Variants in MAGI2 observed in about 807,000 individuals in gnomAD.
MAGI2 encodes membrane-associated guanylate kinase, WW and PDZ domain-containing protein 2.
MAGI2 carries 35 observed loss-of-function variants against 133.3 expected under a neutral mutation model. The ratio of observed to expected loss-of-function variants is 0.26; its 90% confidence interval spans 0.20 to 0.35. The LOEUF is 0.35. MAGI2 is among the 10% of genes least tolerant of loss of function. The pLI is 1.00. For missense variants in MAGI2, 1,636 were observed against 1,863.4 expected (o/e 0.88, Z 2.25); for synonymous variants, 729 against 710.6 (o/e 1.03, Z -0.41).
intron 9 of MAGI2, among the ~76,000 whole-genome samples, chr7:78,343,136 T>C (rs947397318): frequency 3.9e-5 from 6 of 152,222 alleles, no homozygotes; most frequent in African/African-American, 1.4e-4. Context: ...ACCTTGTTCA[T>C]TACTTTTTCA....
At chr7:78,706,479 A>G (rs73150705) in intron 2 of MAGI2, among the ~76,000 whole-genome samples, 7,602 of 152,248 alleles carry the variant, frequency 0.05, 278 homozygotes, top group Non-Finnish European at 0.077. Context: ...ACAGACTAAT[A>G]CAGTGAACTA....
At chr7:79,284,056 A>C (rs1167865048) in intron 1 of MAGI2, among the ~76,000 whole-genome samples, 1 of 152,078 alleles carries the variant, frequency 6.6e-6, no homozygotes, top group Non-Finnish European at 1.5e-5. Flanking sequence ...AGTGTGTAGT[A>C]GGTTGTATGA....
At chr7:78,271,966 T>A (rs960249406) in intron 9 of MAGI2, among the ~76,000 whole-genome samples, 2 of 152,222 alleles carry the variant, frequency 1.3e-5, no homozygotes, top group African/African-American at 2.4e-5. Context: ...TGATCTTAGT[T>A]ATTTTTTGTC....
rs1824839895 is a variant in MAGI2, at chr7:78,160,234, A to G, written c.2636T>C (p.Val879Ala). 6.2e-7 allele frequency: 1 copy of G among 1,608,576 alleles called. No homozygotes were observed. The highest frequency in any genetic ancestry group is 8.5e-7 in the Non-Finnish European group (1 of 1,177,128). ...CPENGRSPGS[V>A]STHHSSPRSD... ...GCGTGGAGAGCTGTGGTGGGTGGATACAGAGCCTGGACTTCTCCCGTTCTC... is the reference window on the plus strand; with the variant it reads ...GCGTGGAGAGCTGTGGTGGGTGGATGCAGAGCCTGGACTTCTCCCGTTCTC... The change falls in exon 16 of 22, where the codon GTA (valine) becomes GCA (alanine). Residue 879 changes from valine to alanine, a missense_variant. Transcript: ENST00000354212.
intron 1 of MAGI2, among the ~76,000 whole-genome samples, chr7:79,016,652 T>G (rs1808765547): frequency 6.6e-6 from 1 of 152,118 alleles, no homozygotes; most frequent in Non-Finnish European, 1.5e-5. Context: ...CAGATGCGTG[T>G]GCACCATGCT....
intron 2 of MAGI2, among the ~76,000 whole-genome samples, chr7:78,945,824 C>T (rs1801373360): frequency 6.6e-6 from 1 of 152,182 alleles, no homozygotes; most frequent in African/African-American, 2.4e-5. Flanking sequence ...TTAATAAACT[C>T]TACATCCTCA....
chr7:79,205,234 A>G (rs997270486), intron 1 of MAGI2, among the ~76,000 whole-genome samples: 4 of 151,984 alleles, frequency 2.6e-5, no homozygotes, highest in South Asian at 2.1e-4. Flanking sequence ...GCAGCAAAAG[A>G]AAACAACCAA....
intron 3 of MAGI2, among the ~76,000 whole-genome samples, chr7:78,624,406 T>A (rs1808095594): frequency 6.6e-6 from 1 of 152,082 alleles, no homozygotes. Flanking sequence ...TCCTGAATGG[T>A]TAATGAAAGA....
intron 2 of MAGI2, among the ~76,000 whole-genome samples, chr7:78,982,185 G>C (rs1387831361): frequency 6.6e-6 from 1 of 151,684 alleles, no homozygotes; most frequent in Non-Finnish European, 1.5e-5. Context: ...GGAAGCTAGA[G>C]GTTTTAAAAC....
chr7:79,325,860 T>G (rs1839656560), intron 1 of MAGI2, among the ~76,000 whole-genome samples: 1 of 152,150 alleles, frequency 6.6e-6, no homozygotes, highest in Non-Finnish European at 1.5e-5. Context: ...AGATAAAAAC[T>G]GCTGATACTA....
At chr7:78,693,182 T>C (rs12530747) in intron 2 of MAGI2, among the ~76,000 whole-genome samples, 7,844 of 152,216 alleles carry the variant, frequency 0.052, 283 homozygotes, top group Non-Finnish European at 0.077. Flanking sequence ...TTAATCTCCA[T>C]CAATCTCAGC....
chr7:78,346,159 G>C, intron 7 of MAGI2, 116 bp from the exon 8 acceptor site: 1 of 1,180,674 alleles, frequency 8.5e-7, no homozygotes, highest in Non-Finnish European at 1.2e-6. Context: ...TTACAGTCAA[G>C]TGCCTCACCC....
chr7:79,024,956 G>T lies in MAGI2; in HGVS notation c.302-17750C>A, dbSNP rs999716320. ...GAAGGGCTGTTTGGTGATTTTTCAAGGAACTTAAAATAGATCTACTATTTG... is the reference window on the plus strand; with the variant it reads ...GAAGGGCTGTTTGGTGATTTTTCAATGAACTTAAAATAGATCTACTATTTG... On this transcript the variant is annotated intron_variant, in intron 1 of 21. Transcript: ENST00000354212. Among the ~76,000 whole-genome samples the T allele has an allele frequency of 4.6e-5, 7 of 151,972 alleles. No homozygotes were observed. The East Asian group carries it at 1.3e-3, about 29-fold the overall frequency.
At chr7:78,505,598 AT>A (rs1795014079) in intron 4 of MAGI2, among the ~76,000 whole-genome samples, 1 of 152,256 alleles carries the variant, frequency 6.6e-6, no homozygotes, top group Non-Finnish European at 1.5e-5. Flanking sequence ...ATGTTCAGTT[AT>A]ACAATATTCA....
intron 2 of MAGI2, among the ~76,000 whole-genome samples, chr7:78,659,570 G>A (rs1443638299): frequency 6.6e-6 from 1 of 151,478 alleles, no homozygotes. Context: ...TCATTTATAT[G>A]ACATTCTTGA....
chr7:78,089,205 G>C (rs1158147202), intron 20 of MAGI2, among the ~76,000 whole-genome samples: 3 of 152,200 alleles, frequency 2.0e-5, no homozygotes, highest in Non-Finnish European at 2.9e-5. Context: ...ATTTATTACA[G>C]CAGGAATAGA....
intron 3 of MAGI2, among the ~76,000 whole-genome samples, chr7:78,622,572 G>C (rs1241224373): frequency 6.6e-6 from 1 of 151,948 alleles, no homozygotes; most frequent in African/African-American, 2.4e-5. Flanking sequence ...AGTGCAAAAA[G>C]ACATTCCTTA....
intron 1 of MAGI2, among the ~76,000 whole-genome samples, chr7:79,422,329 G>A (rs546069107): frequency 9.6e-4 from 146 of 151,832 alleles, no homozygotes; most frequent in Non-Finnish European, 1.6e-3. Context: ...TTTTATTTGG[G>A]TGTCCTAATC....
intron 2 of MAGI2, among the ~76,000 whole-genome samples, chr7:78,640,903 T>A (rs1354203618): frequency 6.6e-6 from 1 of 152,194 alleles, no homozygotes; most frequent in Non-Finnish European, 1.5e-5. Context: ...CCAAATCTCA[T>A]CTTGAATTGT....
Sources: gnomAD v4.1 joint callset for allele counts (sites outside exome capture counted in the v4.1 genomes callset) on GRCh38, gnomAD v4.1.1 for gene constraint, MANE v1.5 for transcripts, NCBI Gene and HGNC (gene_info 2026-07-23, HGNC 2026-07-21) for gene names.